Variants in XPNPEP1 observed in about 807,000 individuals in gnomAD.
XPNPEP1 encodes the protein X-prolyl aminopeptidase 1.
In XPNPEP1, 39 loss-of-function variants were observed where a neutral mutation model predicts 92.4. That is an observed-to-expected ratio of 0.42 (90% CI 0.33 to 0.55). The LOEUF (loss-of-function observed/expected upper bound fraction) is 0.55, where lower values mean the gene tolerates loss of function less well. XPNPEP1 is among the 20% of genes least tolerant of loss of function. The pLI is 0.08. For synonymous variants in XPNPEP1, 307 were observed against 299.4 expected, an observed-to-expected ratio of 1.03 and a Z score of -0.26; for missense variants, 654 against 856.1, an observed-to-expected ratio of 0.76 and a Z score of 2.95.
At chr10:109,901,271 GA>G (rs1300259146) in intron 3 of XPNPEP1, among the ~76,000 whole-genome samples, 1 of 103,678 alleles carries the variant, frequency 9.6e-6, no homozygotes, top group African/African-American at 3.7e-5. Context: ...GGGGTGGGGG[GA>G]GGGGGGAGGG....
At chr10:109,888,230 G>A (rs367623555) in intron 6 of XPNPEP1, 38 bp from the exon 7 acceptor site, 112 of 1,598,124 alleles carry the variant, frequency 7.0e-5, no homozygotes, top group Non-Finnish European at 5.4e-5. Flanking sequence ...TGAGCCGAAC[G>A]CCCATTGCAG....
chr10:109,901,646 G>T (rs1452815390), intron 3 of XPNPEP1, among the ~76,000 whole-genome samples: 1 of 152,166 alleles, frequency 6.6e-6, no homozygotes, highest in Non-Finnish European at 1.5e-5. Flanking sequence ...TTGTGACTGA[G>T]AAACAGAATA....
At chr10:109,907,642 TG>T (rs756757659) in intron 3 of XPNPEP1, 48 bp downstream of exon 3, 2 of 1,612,260 alleles carry the variant, frequency 1.2e-6, no homozygotes, top group Middle Eastern at 1.7e-4. Flanking sequence ...ACATTAGGGC[TG>T]GGGAAAAAAG....
At chr10:109,922,648 G>T (rs1478042733) in intron 1 of XPNPEP1, among the ~76,000 whole-genome samples, 1 of 152,340 alleles carries the variant, frequency 6.6e-6, no homozygotes, top group African/African-American at 2.4e-5. Flanking sequence ...GACCCCTTGG[G>T]GATGGCCAGG....
rs951817286 is a variant in XPNPEP1, at chr10:109,865,040, A to C, written c.*144T>G. On this transcript the variant is annotated 3_prime_UTR_variant, in exon 21 of 21. Coordinates refer to ENST00000502935, the MANE Select transcript of XPNPEP1 (RefSeq NM_020383.4). Reference sequence around the variant, plus strand: ...TTGCAATAAAATATCAAAGAGGATAAGAAGATTTTCTGTTCTTCTTAAAGT... The same window carrying C: ...TTGCAATAAAATATCAAAGAGGATACGAAGATTTTCTGTTCTTCTTAAAGT... 5.1e-6 allele frequency: 6 copies of C among 1,174,492 alleles called. No homozygotes were observed. The Admixed American group carries it at 1.4e-4, about 27-fold the overall frequency. 72.8% of individuals were successfully genotyped at this position (1,174,492 alleles called of 1,614,324 possible).
chr10:109,869,251 G>A (rs1328066438), intron 19 of XPNPEP1, among the ~76,000 whole-genome samples: 1 of 152,208 alleles, frequency 6.6e-6, no homozygotes, highest in Non-Finnish European at 1.5e-5. Context: ...CCATGCCAAA[G>A]CAGAGAGCAG....
At chr10:109,896,870 C>G (rs1849021203) in intron 3 of XPNPEP1, among the ~76,000 whole-genome samples, 1 of 152,138 alleles carries the variant, frequency 6.6e-6, no homozygotes, top group Non-Finnish European at 1.5e-5. Context: ...ATGGACTCTC[C>G]CTGGAGCCTG....
intron 1 of XPNPEP1, among the ~76,000 whole-genome samples, chr10:109,917,046 A>C (rs114368688): frequency 6.7e-6 from 1 of 149,708 alleles, no homozygotes; most frequent in Middle Eastern, 3.4e-3. Flanking sequence ...TTTCCCCTAT[A>C]ATCTAGGGAA....
At chr10:109,893,202 A>G in intron 3 of XPNPEP1, 127 bp from the exon 4 acceptor site, 1 of 745,526 alleles carries the variant, frequency 1.3e-6, no homozygotes, top group Non-Finnish European at 2.2e-6. Flanking sequence ...CCCGCCCTCA[A>G]GAAGCCAACA....
intron 2 of XPNPEP1, among the ~76,000 whole-genome samples, chr10:109,914,318 T>C (rs1203107483): frequency 6.6e-6 from 1 of 152,234 alleles, no homozygotes; most frequent in African/African-American, 2.4e-5. Flanking sequence ...TTTCTCATTT[T>C]GCAATCTTAT....
intron 3 of XPNPEP1, among the ~76,000 whole-genome samples, chr10:109,901,319 T>A (rs533887278): frequency 5.3e-5 from 8 of 149,842 alleles, no homozygotes; most frequent in African/African-American, 2.0e-4. Context: ...AAATGATGAG[T>A]TAATGGGTGC....
At chr10:109,872,292 T>C (rs1183108939) in intron 16 of XPNPEP1, among the ~76,000 whole-genome samples, 1 of 152,252 alleles carries the variant, frequency 6.6e-6, no homozygotes, top group African/African-American at 2.4e-5. Context: ...AGAGATTCAG[T>C]AGCATGCCCA....
At position 109,865,303 on chromosome 10, in the gene XPNPEP1, G is replaced by A; in HGVS notation, c.1882C>T (p.Leu628Phe). ...CTGCAGGTCAGGTGGTAATTGTTGA[G>A]CCAGTCGCACTGCAGGGAAGAGAAG... ...DSLTDKECDW[L>F]NNYHLTCRDV... Residue 628 changes from leucine to phenylalanine, a missense_variant, in exon 21 of 21, where the codon CTC becomes TTC. Leu to Phe is a conservative substitution (Grantham distance 22, BLOSUM62 0). Transcript: ENST00000502935. The A allele has an allele frequency of 1.2e-6, 2 of 1,614,148 alleles. No homozygotes were observed. The highest frequency in any genetic ancestry group is 1.7e-6 in the Non-Finnish European group (2 of 1,180,040).
Position 109,888,035 on chromosome 10 carries a change from C to T in XPNPEP1, c.652+14G>A. The T allele has an allele frequency of 1.2e-6, 2 of 1,613,366 alleles. No individual in the cohort carries two copies. Among genetic ancestry groups the T allele is most frequent in the Non-Finnish European group, 1.7e-6 (2 of 1,179,762 alleles). ...ATGGCAGGGGCCCTGCTGGGCAGAA[C>T]CATTGATTCTGACCTGTGTAATCCA... On this transcript the variant is annotated intron_variant, in intron 7 of 20. Transcript: ENST00000502935.
chr10:109,893,362 G>T, intron 3 of XPNPEP1: 1 of 298,660 alleles, frequency 3.3e-6, no homozygotes, highest in Non-Finnish European at 6.2e-6. Context: ...TCTTCACTGA[G>T]ATCTTACTCA....
chr10:109,878,867 C>A lies in XPNPEP1; in HGVS notation c.1183-809G>T, dbSNP rs761648625. On this transcript the variant is annotated intron_variant, in intron 12 of 20. Coordinates refer to ENST00000502935, the MANE Select transcript of XPNPEP1 (RefSeq NM_020383.4). Reference sequence around the variant, plus strand: ...TCTCCAGCCTGTGCAACAGATGAGACCCCATCTCAAAATAAGAAAAAAAAA... The same window carrying A: ...TCTCCAGCCTGTGCAACAGATGAGAACCCATCTCAAAATAAGAAAAAAAAA... Among the ~76,000 whole-genome samples, 4 of 151,318 alleles carry A rather than the reference C, an allele frequency of 2.6e-5. No homozygotes were observed. In the South Asian group the frequency reaches 8.4e-4, roughly 32 times the overall value.
chr10:109,909,593 C>T (rs190857919), intron 2 of XPNPEP1, among the ~76,000 whole-genome samples: 1 of 152,246 alleles, frequency 6.6e-6, no homozygotes, highest in Admixed American at 6.5e-5. Flanking sequence ...GACCTTTTCT[C>T]AACAATCACT....
intron 1 of XPNPEP1, among the ~76,000 whole-genome samples, chr10:109,919,261 T>C (rs1850393205): frequency 6.6e-6 from 1 of 152,084 alleles, no homozygotes; most frequent in African/African-American, 2.4e-5. Flanking sequence ...CCAGAATATA[T>C]AAAGAACTAT....
At chr10:109,881,277 C>T (rs143393326) in intron 10 of XPNPEP1, among the ~76,000 whole-genome samples, 4 of 152,302 alleles carry the variant, frequency 2.6e-5, no homozygotes, top group East Asian at 3.9e-4. Flanking sequence ...AAAGCTTGAC[C>T]GAAATCACCC....
Sources: allele counts gnomAD v4.1 joint callset (sites outside exome capture counted in the v4.1 genomes callset), GRCh38; gene constraint gnomAD v4.1.1; transcripts MANE v1.5; gene names NCBI Gene and HGNC (gene_info 2026-07-23, HGNC 2026-07-21).